CNTNAP2: variants seen among roughly 807,000 people sequenced by gnomAD.
The protein encoded by CNTNAP2 is contactin associated protein 2.
A neutral mutation model predicts 155.2 loss-of-function variants in CNTNAP2; 98 were observed. The observed-to-expected ratio is 0.63, with a 90% CI of 0.54 to 0.75. The LOEUF (loss-of-function observed/expected upper bound fraction) is 0.75, where lower values mean the gene tolerates loss of function less well. CNTNAP2 is among the 30% of genes least tolerant of loss of function. CNTNAP2 has a pLI of 0.00. For synonymous variants in CNTNAP2, 651 were observed against 631.2 expected, an observed-to-expected ratio of 1.03 and a Z score of -0.47; for missense variants, 1,727 against 1,688.1, an observed-to-expected ratio of 1.02 and a Z score of -0.40.
At position 146,540,269 on chromosome 7, in the gene CNTNAP2, C is replaced by A. The variant is rs193150794; in HGVS notation, c.98-234002C>A. ...TAGGGTCAGAGAATGGTGTCCGTTT[C>A]AATGTTCTGTTGAGAGTTTACCTAT... is the stretch of plus-strand genomic sequence containing the variant. On this transcript the variant is annotated intron_variant, in intron 1 of 23. Coordinates refer to ENST00000361727, the MANE Select transcript of CNTNAP2 (RefSeq NM_014141.6). Among the ~76,000 whole-genome samples the A allele has an allele frequency of 2.4e-3, 361 of 152,124 alleles. 2 individuals are homozygous for A. The highest frequency in any genetic ancestry group is 4.1e-3 in the Non-Finnish European group (282 of 67,982).
intron 12 of CNTNAP2, among the ~76,000 whole-genome samples, chr7:147,564,090 G>A (rs12540196): frequency 0.45 from 67,761 of 151,668 alleles, 15,316 homozygotes; most frequent in East Asian, 0.61. Flanking sequence ...GATTCCTTGA[G>A]CCCCGGAGGT....
chr7:146,940,320 C>T (rs1797024419), intron 3 of CNTNAP2, among the ~76,000 whole-genome samples: 1 of 151,988 alleles, frequency 6.6e-6, no homozygotes. Flanking sequence ...CCTCAGCCTC[C>T]CTAGTAGCTG....
At chr7:147,988,956 G>C (rs140018853) in intron 15 of CNTNAP2, among the ~76,000 whole-genome samples, 97 of 152,276 alleles carry the variant, frequency 6.4e-4, no homozygotes, top group Middle Eastern at 3.4e-3. Context: ...TGAGAAAAAC[G>C]AGACATGGCT....
At position 148,017,279 on chromosome 7, in the gene CNTNAP2, C is replaced by G. The variant is rs537025300; in HGVS notation, c.2383+39290C>G. ...AAATGTAGCTTCTTTGTTTATCAGA[C>G]GAACTGTGGTAACAGCAGTTATGAA... On this transcript the variant is annotated intron_variant, in intron 15 of 23. Transcript: ENST00000361727. Among the ~76,000 whole-genome samples the G allele has an allele frequency of 3.9e-5, 6 of 152,238 alleles. No individual in the cohort carries two copies. The East Asian group carries it at 9.7e-4, about 25-fold the overall frequency.
At chr7:148,059,678 A>C (rs1020642528) in intron 15 of CNTNAP2, among the ~76,000 whole-genome samples, 1 of 150,072 alleles carries the variant, frequency 6.7e-6, no homozygotes, top group Non-Finnish European at 1.5e-5. Flanking sequence ...TAGGTTATTA[A>C]AAAACAGCAG....
intron 1 of CNTNAP2, among the ~76,000 whole-genome samples, chr7:146,395,001 T>C (rs1204855161): frequency 6.6e-6 from 1 of 152,210 alleles, no homozygotes; most frequent in Non-Finnish European, 1.5e-5. Context: ...TTTGACTTTA[T>C]ATTTTTGAGC....
intron 3 of CNTNAP2, among the ~76,000 whole-genome samples, chr7:146,971,336 T>C (rs1797792767): frequency 6.6e-6 from 1 of 152,176 alleles, no homozygotes; most frequent in Non-Finnish European, 1.5e-5. Flanking sequence ...TAAACATCTA[T>C]TGTGTACTAA....
chr7:148,385,412 A>G (rs1158678021), intron 22 of CNTNAP2, among the ~76,000 whole-genome samples: 8 of 152,224 alleles, frequency 5.3e-5, no homozygotes, highest in African/African-American at 1.4e-4. Context: ...GAGAAAAGAC[A>G]TGTCAGGGCC....
intron 13 of CNTNAP2, among the ~76,000 whole-genome samples, chr7:147,663,170 TGTAATTTTC>T (rs1795641364): frequency 1.1e-5 from 1 of 91,724 alleles, no homozygotes; most frequent in South Asian, 4.9e-4. Context: ...GGCTAATTTT[TGTAATTTTC>T]GTAGGGACGG....
At chr7:147,891,664 T>A (rs1175318081) in intron 13 of CNTNAP2, among the ~76,000 whole-genome samples, 1 of 151,812 alleles carries the variant, frequency 6.6e-6, no homozygotes, top group African/African-American at 2.4e-5. Flanking sequence ...CAAATTCATT[T>A]AAAAAAAACA....
intron 8 of CNTNAP2, among the ~76,000 whole-genome samples, chr7:147,290,464 T>C (rs572277957): frequency 6.6e-6 from 1 of 152,070 alleles, no homozygotes; most frequent in East Asian, 1.9e-4. Context: ...GTGGATTGCC[T>C]GAGCTCAGGA....
At chr7:148,128,026 C>T (rs989382620) in intron 16 of CNTNAP2, among the ~76,000 whole-genome samples, 1 of 152,088 alleles carries the variant, frequency 6.6e-6, no homozygotes, top group Non-Finnish European at 1.5e-5. Flanking sequence ...CACGCCACCA[C>T]ACTCGGTTAA....
At chr7:147,548,418 C>T (rs1462859083) in intron 11 of CNTNAP2, among the ~76,000 whole-genome samples, 1 of 152,080 alleles carries the variant, frequency 6.6e-6, no homozygotes, top group Admixed American at 6.5e-5. Context: ...TGAAAAGTGT[C>T]TGTTCATATT....
At chr7:147,322,092 C>A (rs2116822222) in intron 9 of CNTNAP2, among the ~76,000 whole-genome samples, 1 of 152,220 alleles carries the variant, frequency 6.6e-6, no homozygotes, top group South Asian at 2.1e-4. Flanking sequence ...AATTTGAGTG[C>A]CAGATATTAC....
At chr7:146,502,053 T>A (rs924529948) in intron 1 of CNTNAP2, among the ~76,000 whole-genome samples, 6 of 151,804 alleles carry the variant, frequency 4.0e-5, no homozygotes, top group Non-Finnish European at 8.8e-5. Context: ...CCTAACTACA[T>A]GAAGTGAATA....
intron 21 of CNTNAP2, among the ~76,000 whole-genome samples, chr7:148,356,740 T>C (rs556246334): frequency 2.0e-5 from 3 of 152,250 alleles, no homozygotes; most frequent in South Asian, 4.1e-4. Context: ...AGTCCTCACC[T>C]TTCCATCCCT....
intron 18 of CNTNAP2, among the ~76,000 whole-genome samples, chr7:148,207,560 G>A (rs765256511): frequency 1.3e-5 from 2 of 152,116 alleles, no homozygotes; most frequent in Non-Finnish European, 1.5e-5. Context: ...TCATGGGACC[G>A]GATTGAAACT....
rs147569346 is a variant in CNTNAP2 at position 148,339,035 on chromosome 7, C to T, written c.3476-44614C>T. On this transcript the variant is annotated intron_variant, in intron 21 of 23. Coordinates refer to ENST00000361727, the MANE Select transcript of CNTNAP2 (RefSeq NM_014141.6). ...CATTCAGAAATAATCCCTATTGACCCAGTCTCTGTGTCTCTCTCTCTGCCA... is the reference window on the plus strand; with the variant it reads ...CATTCAGAAATAATCCCTATTGACCTAGTCTCTGTGTCTCTCTCTCTGCCA... Among the ~76,000 whole-genome samples, 354 of 152,296 alleles carry T rather than the reference C, an allele frequency of 2.3e-3. 1 individual carries two copies. Among genetic ancestry groups the T allele is most frequent in the African/African-American group, 8.0e-3 (334 of 41,562 alleles).
chr7:147,853,705 A>G (rs1798989404), intron 13 of CNTNAP2, among the ~76,000 whole-genome samples: 1 of 152,220 alleles, frequency 6.6e-6, no homozygotes, highest in Admixed American at 6.5e-5. Context: ...AACAGGCTAT[A>G]TTAGCTGTTG....
Sources: gnomAD v4.1 joint callset for allele counts (sites outside exome capture counted in the v4.1 genomes callset) on GRCh38, gnomAD v4.1.1 for gene constraint, MANE v1.5 for transcripts, NCBI Gene and HGNC (gene_info 2026-07-23, HGNC 2026-07-21) for gene names.